Variants in LRMDA observed in about 807,000 individuals in gnomAD.
LRMDA encodes leucine-rich melanocyte differentiation-associated protein.
In LRMDA, 18 loss-of-function variants were observed where a neutral mutation model predicts 29.8. The observed-to-expected ratio is 0.60, with a 90% CI of 0.42 to 0.90. LRMDA has a LOEUF of 0.90. Among genes scored for constraint, LRMDA ranks in the 40% least tolerant of loss-of-function variants. The pLI is 0.00. For missense variants in LRMDA, 273 were observed against 273.9 expected, an observed-to-expected ratio of 1.00 and a Z score of 0.02; for synonymous variants, 125 against 109.4, an observed-to-expected ratio of 1.14 and a Z score of -0.89.
chr10:75,673,496 A>G (rs886635549), intron 2 of LRMDA, among the ~76,000 whole-genome samples: 2 of 152,206 alleles, frequency 1.3e-5, no homozygotes, highest in Admixed American at 6.5e-5. Context: ...CAGTGCCTCT[A>G]TGGGACTGGA....
intron 2 of LRMDA, among the ~76,000 whole-genome samples, chr10:75,497,480 T>C (rs1260596271): frequency 6.6e-6 from 1 of 151,854 alleles, no homozygotes; most frequent in African/African-American, 2.4e-5. Flanking sequence ...TTTTGAGAAA[T>C]GCATGAACCC....
chr10:75,877,696 A>G (rs530765053), intron 2 of LRMDA, among the ~76,000 whole-genome samples: 27 of 152,352 alleles, frequency 1.8e-4, no homozygotes, highest in African/African-American at 6.3e-4. Context: ...GTTAGTATAA[A>G]AATGTGCCAC....
chr10:76,201,097 ATTT>A (rs1851419886), intron 5 of LRMDA, among the ~76,000 whole-genome samples: 1 of 124,136 alleles, frequency 8.1e-6, no homozygotes, highest in Non-Finnish European at 1.5e-5. Flanking sequence ...TTATTTATTT[ATTT>A]ATTTATTTAT....
chr10:76,125,579 C>G (rs7909516), intron 5 of LRMDA, among the ~76,000 whole-genome samples: 20 of 152,058 alleles, frequency 1.3e-4, no homozygotes, highest in African/African-American at 4.8e-4. Flanking sequence ...GTAAAATTGC[C>G]TACCATCTGT....
chr10:75,762,367 C>G (rs1843108147), intron 2 of LRMDA, among the ~76,000 whole-genome samples: 1 of 152,048 alleles, frequency 6.6e-6, no homozygotes, highest in Non-Finnish European at 1.5e-5. Context: ...TTTCTGTGAT[C>G]TTTTTTTTCT....
intron 2 of LRMDA, among the ~76,000 whole-genome samples, chr10:75,802,667 A>G (rs1034168193): frequency 3.9e-5 from 6 of 152,126 alleles, no homozygotes; most frequent in Admixed American, 6.5e-5. Context: ...AACAAACACT[A>G]TCGAATGAAA....
Position 75,783,115 on chromosome 10 carries a change from G to T in LRMDA, c.132-252893G>T, listed in dbSNP as rs971663721. ...TGATGAAGGCTGGCTGTCAGGGTAG[G>T]ACTTGATGAGCGAGATGATTGATCT... On this transcript the variant is annotated intron_variant, in intron 2 of 6. Coordinates refer to ENST00000611255, the MANE Select transcript of LRMDA (RefSeq NM_001305581.2). The T allele has an allele frequency of 3.5e-6, 5 of 1,440,024 alleles. No homozygotes were observed. The African/African-American group carries it at 5.6e-5, about 16-fold the overall frequency. 89.2% of individuals were successfully genotyped at this position (1,440,024 alleles called of 1,614,324 possible).
chr10:76,406,869 T>C (rs1281391904), intron 6 of LRMDA, among the ~76,000 whole-genome samples: 1 of 152,060 alleles, frequency 6.6e-6, no homozygotes, highest in African/African-American at 2.4e-5. Context: ...TATTTTAAGG[T>C]AGAAAAACTT....
At chr10:75,859,088 G>A (rs1010561225) in intron 2 of LRMDA, among the ~76,000 whole-genome samples, 2 of 152,220 alleles carry the variant, frequency 1.3e-5, no homozygotes, top group East Asian at 3.9e-4. Flanking sequence ...CCATAGTGTG[G>A]CTATGCCAAA....
intron 2 of LRMDA, among the ~76,000 whole-genome samples, chr10:75,877,412 A>G (rs1845216298): frequency 1.3e-5 from 2 of 152,130 alleles, no homozygotes; most frequent in African/African-American, 4.8e-5. Context: ...ATTCCCACCA[A>G]TACAGTTACC....
chr10:76,187,534 G>A (rs1851171101), intron 5 of LRMDA, among the ~76,000 whole-genome samples: 1 of 152,176 alleles, frequency 6.6e-6, no homozygotes, highest in South Asian at 2.1e-4. Flanking sequence ...ATCATTTTGA[G>A]CTTCAATTTC....
At chr10:76,325,759 A>G (rs558817615) in intron 6 of LRMDA, among the ~76,000 whole-genome samples, 2 of 152,226 alleles carry the variant, frequency 1.3e-5, no homozygotes. Context: ...TGTAAAGTTT[A>G]TCTGGCCCTG....
chr10:76,438,361 A>G lies in LRMDA; in HGVS notation c.601+113876A>G, dbSNP rs145384783. ...ACACTGGGCTTTGGTTATTCTTTAA[A>G]CTTACAATACTCATTGCATGACAGA... On this transcript the variant is annotated intron_variant, in intron 6 of 6. Transcript: ENST00000611255. Among the ~76,000 whole-genome samples the G allele has an allele frequency of 4.8e-3, 726 of 152,244 alleles. 6 individuals are homozygous for G. The highest frequency in any genetic ancestry group is 0.016 in the African/African-American group (685 of 41,538).
At chr10:75,590,344 T>G (rs1461014958) in intron 2 of LRMDA, among the ~76,000 whole-genome samples, 2 of 152,148 alleles carry the variant, frequency 1.3e-5, no homozygotes, top group African/African-American at 4.8e-5. Context: ...TGCAATTGAA[T>G]TCATTATCTT....
chr10:75,436,490 A>G (rs1844265510), intron 1 of LRMDA, among the ~76,000 whole-genome samples: 1 of 149,960 alleles, frequency 6.7e-6, no homozygotes, highest in African/African-American at 2.5e-5. Context: ...TTTTTTTGAG[A>G]CAAGTCTGGC....
chr10:75,484,299 A>G (rs1844885624), intron 2 of LRMDA, among the ~76,000 whole-genome samples: 1 of 152,082 alleles, frequency 6.6e-6, no homozygotes, highest in African/African-American at 2.4e-5. Flanking sequence ...ACAATATTAG[A>G]TTTCTTAATA....
chr10:75,627,371 T>C (rs1841264319), intron 2 of LRMDA, among the ~76,000 whole-genome samples: 1 of 152,230 alleles, frequency 6.6e-6, no homozygotes, highest in Non-Finnish European at 1.5e-5. Flanking sequence ...ACAGTTTTCC[T>C]GTGTTCTTCT....
chr10:76,462,500 A>T (rs527380416), intron 6 of LRMDA, among the ~76,000 whole-genome samples: 1 of 152,326 alleles, frequency 6.6e-6, no homozygotes, highest in Non-Finnish European at 1.5e-5. Context: ...ACATTCTTCG[A>T]TGCCCAATCT....
intron 5 of LRMDA, among the ~76,000 whole-genome samples, chr10:76,214,050 G>T (rs1177279806): frequency 6.6e-6 from 1 of 152,152 alleles, no homozygotes; most frequent in Non-Finnish European, 1.5e-5. Context: ...CCATGGAGGT[G>T]AGGGAGACAG....
Sources: allele counts gnomAD v4.1 joint callset (sites outside exome capture counted in the v4.1 genomes callset), GRCh38; gene constraint gnomAD v4.1.1; transcripts MANE v1.5; gene names NCBI Gene and HGNC (gene_info 2026-07-23, HGNC 2026-07-21).